The following GPC6 variants were observed in gnomAD, a reference collection of about 807,000 sequenced individuals.
GPC6 encodes the protein glypican-6.
GPC6 carries 14 observed loss-of-function variants against 55.2 expected under a neutral mutation model. That is an observed-to-expected ratio of 0.25 (90% CI 0.17 to 0.40). The LOEUF (loss-of-function observed/expected upper bound fraction) is 0.40. GPC6 is among the 10% of genes least tolerant of loss of function. The pLI is 1.00. For missense variants in GPC6, 641 were observed against 708.5 expected, an observed-to-expected ratio of 0.90 and a Z score of 1.08; for synonymous variants, 278 against 259.6, an observed-to-expected ratio of 1.07 and a Z score of -0.68.
At chr13:93,777,803 A>C (rs1022151722) in intron 2 of GPC6, among the ~76,000 whole-genome samples, 2 of 152,308 alleles carry the variant, frequency 1.3e-5, no homozygotes, top group African/African-American at 2.4e-5. Flanking sequence ...TTATGTCTAC[A>C]TCTGTATCTG....
chr13:93,262,404 G>T (rs537942078), intron 1 of GPC6, among the ~76,000 whole-genome samples: 9 of 152,224 alleles, frequency 5.9e-5, no homozygotes, highest in African/African-American at 2.2e-4. Context: ...TGTGATGAAG[G>T]CCTACAGTCC....
intron 3 of GPC6, among the ~76,000 whole-genome samples, chr13:93,955,242 TGC>T (rs1879451730): frequency 1.0e-5 from 1 of 98,996 alleles, no homozygotes; most frequent in Non-Finnish European, 1.9e-5. Context: ...TGAATGAACA[TGC>T]ACACACACAC....
intron 1 of GPC6, among the ~76,000 whole-genome samples, chr13:93,380,322 C>G (rs1267762919): frequency 6.6e-6 from 1 of 151,964 alleles, no homozygotes; most frequent in African/African-American, 2.4e-5. Context: ...CATTGATGAC[C>G]AAGGAATATT....
At chr13:93,497,811 A>C (rs1880362811) in intron 1 of GPC6, among the ~76,000 whole-genome samples, 1 of 152,186 alleles carries the variant, frequency 6.6e-6, no homozygotes, top group South Asian at 2.1e-4. Flanking sequence ...CAAATAAATA[A>C]ATCAAATGCA....
intron 6 of GPC6, among the ~76,000 whole-genome samples, chr13:94,366,940 G>A (rs920909541): frequency 1.5e-4 from 23 of 152,290 alleles, no homozygotes; most frequent in Admixed American, 8.5e-4. Context: ...AAAAGTTGAG[G>A]GCTCAGTCTC....
intron 4 of GPC6, among the ~76,000 whole-genome samples, chr13:94,209,080 A>ATTAATTAATAATTAATAAT (rs1254247119): frequency 1.1e-3 from 170 of 152,246 alleles, no homozygotes; most frequent in African/African-American, 3.7e-3. Context: ...GGTATGTGTA[A>ATTAATTAATAATTAATAAT]TATTTTATTA....
intron 1 of GPC6, among the ~76,000 whole-genome samples, chr13:93,280,581 G>T (rs563338607): frequency 4.8e-4 from 73 of 152,380 alleles, no homozygotes; most frequent in African/African-American, 1.7e-3. Flanking sequence ...GAAGCATGGT[G>T]TTTTCACATT....
Position 94,317,757 on chromosome 13 carries a change from G to A in GPC6, c.1152+11634G>A, listed in dbSNP as rs142826277. Among the ~76,000 whole-genome samples, 14 of 152,286 alleles carry A rather than the reference G, an allele frequency of 9.2e-5. 1 individual carries two copies. In the East Asian group the frequency reaches 2.7e-3, roughly 29 times the overall value. Reference sequence around the variant, plus strand: ...TCTCCATGATTTTGGAGAATGAGAAGTAAAATCAATATTTAGGAATTTTTT... The same window carrying A: ...TCTCCATGATTTTGGAGAATGAGAAATAAAATCAATATTTAGGAATTTTTT... On this transcript the variant is annotated intron_variant, in intron 6 of 8. Coordinates refer to ENST00000377047, the MANE Select transcript of GPC6 (RefSeq NM_005708.5).
At chr13:93,550,523 G>T (rs527574331) in intron 2 of GPC6, among the ~76,000 whole-genome samples, 4 of 152,070 alleles carry the variant, frequency 2.6e-5, no homozygotes, top group Non-Finnish European at 4.4e-5. Flanking sequence ...TTATTCTATA[G>T]TAACACCTGC....
At chr13:94,237,322 C>T (rs1021851898) in intron 4 of GPC6, among the ~76,000 whole-genome samples, 3 of 152,248 alleles carry the variant, frequency 2.0e-5, no homozygotes, top group Non-Finnish European at 4.4e-5. Context: ...TTTTCTCCAT[C>T]CTTCCCTTCC....
chr13:93,456,583 A>G (rs1192164532), intron 1 of GPC6, among the ~76,000 whole-genome samples: 10 of 152,058 alleles, frequency 6.6e-5, no homozygotes, highest in Admixed American at 6.5e-5. Flanking sequence ...AAAGAACCGC[A>G]AACTGGGTGA....
chr13:93,645,941 G>T (rs556436238), intron 2 of GPC6, among the ~76,000 whole-genome samples: 2 of 152,020 alleles, frequency 1.3e-5, no homozygotes, highest in Non-Finnish European at 2.9e-5. Context: ...ACCCTCCCCA[G>T]ATATACACAG....
chr13:93,803,765 T>C lies in GPC6; in HGVS notation c.320-26389T>C, dbSNP rs9589844. Among the ~76,000 whole-genome samples the C allele has an allele frequency of 5.7e-3, 862 of 152,290 alleles. 14 individuals are homozygous for C. The highest frequency in any genetic ancestry group is 0.02 in the African/African-American group (830 of 41,564). On this transcript the variant is annotated intron_variant, in intron 2 of 8. Coordinates refer to ENST00000377047, the MANE Select transcript of GPC6 (RefSeq NM_005708.5). ...ATTATTTAGTCATAAAAAAGTGAAA[T>C]ACTGATACATGCTGCAATATGGATG... is the stretch of plus-strand genomic sequence containing the variant.
At chr13:94,218,642 C>T (rs1368721754) in intron 4 of GPC6, among the ~76,000 whole-genome samples, 1 of 152,176 alleles carries the variant, frequency 6.6e-6, no homozygotes, top group African/African-American at 2.4e-5. Context: ...GGCTTCTGCA[C>T]CTGCTGCAGC....
intron 3 of GPC6, among the ~76,000 whole-genome samples, chr13:93,994,520 T>A (rs1247660886): frequency 6.6e-6 from 1 of 152,234 alleles, no homozygotes; most frequent in Non-Finnish European, 1.5e-5. Flanking sequence ...TGCTCATTGC[T>A]TATTCTAAAA....
intron 1 of GPC6, among the ~76,000 whole-genome samples, chr13:93,254,717 A>T (rs1876896451): frequency 6.6e-6 from 1 of 152,124 alleles, no homozygotes; most frequent in African/African-American, 2.4e-5. Context: ...TAAAAAAAAA[A>T]TAGAGAGAGT....
intron 4 of GPC6, among the ~76,000 whole-genome samples, chr13:94,193,539 A>G (rs1025886801): frequency 2.0e-5 from 3 of 152,178 alleles, no homozygotes; most frequent in Non-Finnish European, 4.4e-5. Flanking sequence ...GCTGTAGCAT[A>G]TGAAAACAGA....
intron 6 of GPC6, among the ~76,000 whole-genome samples, chr13:94,339,503 T>TAAAG (rs1280370242): frequency 6.6e-6 from 1 of 152,190 alleles, no homozygotes; most frequent in Non-Finnish European, 1.5e-5. Flanking sequence ...AATTTACTGC[T>TAAAG]AAAGAGAAAA....
intron 4 of GPC6, among the ~76,000 whole-genome samples, chr13:94,226,993 C>T (rs1446657707): frequency 1.3e-5 from 2 of 152,148 alleles, no homozygotes; most frequent in East Asian, 3.9e-4. Context: ...CTAGGCAAGT[C>T]ACTGTACCTC....
Sources: allele counts gnomAD v4.1 joint callset (sites outside exome capture counted in the v4.1 genomes callset), GRCh38; gene constraint gnomAD v4.1.1; transcripts MANE v1.5; gene names NCBI Gene and HGNC (gene_info 2026-07-23, HGNC 2026-07-21).